MTSS1: variants seen among roughly 807,000 people sequenced by gnomAD.
MTSS1 encodes the protein MTSS I-BAR domain containing 1.
A neutral mutation model predicts 79.0 loss-of-function variants in MTSS1; 18 were observed. That is an observed-to-expected ratio of 0.23 (90% CI 0.16 to 0.34). The LOEUF is 0.34. MTSS1 is among the 10% of genes least tolerant of loss of function. The pLI is 1.00. For missense variants in MTSS1, 815 were observed against 986.2 expected, an observed-to-expected ratio of 0.83 and a Z score of 2.33; for synonymous variants, 341 against 368.6, an observed-to-expected ratio of 0.93 and a Z score of 0.86.
chr8:124,706,485 C>CCG (rs1830402301), intron 1 of MTSS1, among the ~76,000 whole-genome samples: 2 of 152,254 alleles, frequency 1.3e-5, no homozygotes, highest in African/African-American at 4.8e-5. Context: ...TGCTGCTACA[C>CCG]CACATTCATC....
chr8:124,578,624 G>A (rs986917771), intron 6 of MTSS1, among the ~76,000 whole-genome samples: 1 of 150,922 alleles, frequency 6.6e-6, no homozygotes, highest in East Asian at 2.0e-4. Context: ...GCAAAACCCC[G>A]TCTCTACTAA....
chr8:124,610,816 T>C (rs117776028), intron 3 of MTSS1, among the ~76,000 whole-genome samples: 4 of 152,258 alleles, frequency 2.6e-5, no homozygotes, highest in African/African-American at 9.6e-5. Flanking sequence ...GCTCTGGCAA[T>C]GCCTGCCATG....
At chr8:124,606,164 GTTTTTTGT>G (rs993241985) in intron 3 of MTSS1, among the ~76,000 whole-genome samples, 2 of 106,060 alleles carry the variant, frequency 1.9e-5, no homozygotes, top group East Asian at 2.7e-4. Flanking sequence ...TCTGTGTTTG[GTTTTTTGT>G]TTTTTTTTTT....
intron 3 of MTSS1, among the ~76,000 whole-genome samples, chr8:124,639,936 C>A (rs1412786447): frequency 6.6e-6 from 1 of 152,144 alleles, no homozygotes; most frequent in Non-Finnish European, 1.5e-5. Context: ...ATTTGGCTGA[C>A]ATTATAAGTA....
chr8:124,716,875 G>A (rs1442181729), intron 1 of MTSS1, among the ~76,000 whole-genome samples: 2 of 151,908 alleles, frequency 1.3e-5, no homozygotes, highest in African/African-American at 4.8e-5. Context: ...TTTGGGTAAT[G>A]GGTTTCAAAA....
Position 124,551,672 on chromosome 8 carries a change from T to A in MTSS1, c.*1320A>T, listed in dbSNP as rs1822543335. The A allele has an allele frequency of 6.6e-6, 1 of 152,236 alleles. No homozygotes were observed. 9.4% of individuals were successfully genotyped at this position (152,236 alleles called of 1,614,324 possible). On this transcript the variant is annotated 3_prime_UTR_variant, in exon 14 of 14. Transcript: ENST00000518547. ...AATGTGATCCCTTTAAATCTACAAATCTCTGTTGGCTTTAGGGGATGGGCA... is the reference window on the plus strand; with the variant it reads ...AATGTGATCCCTTTAAATCTACAAAACTCTGTTGGCTTTAGGGGATGGGCA...
chr8:124,630,297 C>A (rs998630576), intron 3 of MTSS1, among the ~76,000 whole-genome samples: 2 of 151,406 alleles, frequency 1.3e-5, no homozygotes, highest in African/African-American at 4.9e-5. Flanking sequence ...AGCCATCCAT[C>A]AACAGAGTCA....
chr8:124,554,300 G>C (rs941530683), intron 13 of MTSS1, among the ~76,000 whole-genome samples: 2 of 152,142 alleles, frequency 1.3e-5, no homozygotes, highest in African/African-American at 2.4e-5. Context: ...GATAATTTGG[G>C]CTGGATAGTT....
intron 3 of MTSS1, among the ~76,000 whole-genome samples, chr8:124,670,697 G>A (rs1823994404): frequency 1.3e-5 from 2 of 152,186 alleles, no homozygotes; most frequent in Middle Eastern, 3.4e-3. Flanking sequence ...GTTTAGACTG[G>A]GGCAGTGAAG....
intron 1 of MTSS1, among the ~76,000 whole-genome samples, chr8:124,706,727 G>A (rs957220093): frequency 6.6e-6 from 1 of 152,190 alleles, no homozygotes; most frequent in Non-Finnish European, 1.5e-5. Flanking sequence ...GTGCCCTGGG[G>A]GTTACTTCCA....
At chr8:124,669,119 C>T (rs1823653391) in intron 3 of MTSS1, among the ~76,000 whole-genome samples, 1 of 152,138 alleles carries the variant, frequency 6.6e-6, no homozygotes, top group Admixed American at 6.5e-5. Flanking sequence ...ATAAGACTCC[C>T]CTACCACCTA....
At chr8:124,722,470 G>A (rs954552126) in intron 1 of MTSS1, among the ~76,000 whole-genome samples, 2 of 152,118 alleles carry the variant, frequency 1.3e-5, no homozygotes, top group African/African-American at 4.8e-5. Context: ...TTGGTTGTTC[G>A]GTTGTTTCTG....
At chr8:124,715,235 C>T (rs1361740752) in intron 1 of MTSS1, among the ~76,000 whole-genome samples, 5 of 152,220 alleles carry the variant, frequency 3.3e-5, no homozygotes, top group Non-Finnish European at 5.9e-5. Context: ...GACACACAAA[C>T]ACCCTCTACC....
At chr8:124,661,761 C>CT (rs965080909) in intron 3 of MTSS1, among the ~76,000 whole-genome samples, 1 of 152,226 alleles carries the variant, frequency 6.6e-6, no homozygotes, top group African/African-American at 2.4e-5. Context: ...GGATTCCCCT[C>CT]TTTCCCACAA....
At chr8:124,555,994 G>T in intron 12 of MTSS1, 90 bp from the exon 13 acceptor site, 1 of 1,560,680 alleles carries the variant, frequency 6.4e-7, no homozygotes, top group South Asian at 1.2e-5. Flanking sequence ...CTACATGTCT[G>T]TGGGGCCAGG....
intron 3 of MTSS1, among the ~76,000 whole-genome samples, chr8:124,615,421 C>A (rs763112244): frequency 8.5e-5 from 13 of 152,182 alleles, no homozygotes; most frequent in Non-Finnish European, 1.9e-4. Context: ...CAGGCTCCAA[C>A]ACTGGATGAG....
At chr8:124,661,230 C>T (rs910543376) in intron 3 of MTSS1, among the ~76,000 whole-genome samples, 1 of 152,072 alleles carries the variant, frequency 6.6e-6, no homozygotes, top group Non-Finnish European at 1.5e-5. Flanking sequence ...GAAAGGATAA[C>T]CTGAAAAGTA....
At chr8:124,570,147 A>G (rs1827432393) in intron 6 of MTSS1, among the ~76,000 whole-genome samples, 1 of 152,246 alleles carries the variant, frequency 6.6e-6, no homozygotes, top group Admixed American at 6.5e-5. Flanking sequence ...GTCAGATTTT[A>G]GTAAGGAAAA....
intron 3 of MTSS1, among the ~76,000 whole-genome samples, chr8:124,647,081 C>T (rs1415275654): frequency 6.6e-6 from 1 of 152,206 alleles, no homozygotes; most frequent in African/African-American, 2.4e-5. Context: ...AACTCCTAGG[C>T]TCAAGTGATC....
Sources: gnomAD v4.1 joint callset for allele counts (sites outside exome capture counted in the v4.1 genomes callset) on GRCh38, gnomAD v4.1.1 for gene constraint, MANE v1.5 for transcripts, NCBI Gene and HGNC (gene_info 2026-07-23, HGNC 2026-07-21) for gene names.